GSDMC: variants seen among roughly 807,000 people sequenced by gnomAD.
The protein encoded by GSDMC is gasdermin C, also known as gasdermin-C.
In GSDMC, 59 loss-of-function variants were observed where a neutral mutation model predicts 58.0. That is an observed-to-expected ratio of 1.02 (90% confidence interval 0.82 to 1.26). GSDMC has a LOEUF of 1.26. GSDMC is among the 50% of genes most tolerant of loss of function. The pLI, the probability that GSDMC is intolerant of heterozygous loss-of-function variation, is 0.00. For missense variants in GSDMC, 659 were observed against 598.5 expected, an observed-to-expected ratio of 1.10 and a Z score of -1.06; for synonymous variants, 241 against 220.2, an observed-to-expected ratio of 1.09 and a Z score of -0.83.
At position 129,748,499 on chromosome 8, in the gene GSDMC, G is replaced by T; in HGVS notation, c.*2C>A. On this transcript the variant is annotated 3_prime_UTR_variant, in exon 14 of 14. Coordinates refer to ENST00000276708, the MANE Select transcript of GSDMC (RefSeq NM_031415.3). ...CTGGACTGACTGCCCATCAGGGAGGGCTTAGGCCTCAGCCAGCTGCTGCAG... is the reference window on the plus strand; with the variant it reads ...CTGGACTGACTGCCCATCAGGGAGGTCTTAGGCCTCAGCCAGCTGCTGCAG... 2 of 1,600,276 alleles carry T rather than the reference G, an allele frequency of 1.2e-6. No homozygotes were observed. The highest frequency in any genetic ancestry group is 1.7e-6 in the Non-Finnish European group (2 of 1,173,526).
At chr8:129,751,465 T>C in intron 10 of GSDMC, 77 bp downstream of exon 10, 1 of 1,272,848 alleles carries the variant, frequency 7.9e-7, no homozygotes, top group Non-Finnish European at 1.1e-6. Context: ...CTGACTTGCA[T>C]AGAAACCACC....
rs1451521911 is a variant in GSDMC, at chr8:129,750,109, T to A, written c.1094A>T (p.Asp365Val). 1 of 1,570,376 alleles carries A rather than the reference T, an allele frequency of 6.4e-7. No individual in the cohort carries two copies. The highest frequency in any genetic ancestry group is 1.4e-5 in the African/African-American group (1 of 72,342). The change falls in exon 12 of 14, where the codon GAC (aspartate) becomes GTC (valine). Residue 365 changes from aspartate (D) to valine (V), a missense_variant. Physicochemically the swap from Asp to Val is radical, Grantham distance 152. Transcript: ENST00000276708. Reference sequence around the variant, plus strand: ...AGGGCCATCCAAATGACCTGAGCTGTCCAATTCCAGCTATAGAAGACAGGT... The same window carrying A: ...AGGGCCATCCAAATGACCTGAGCTGACCAATTCCAGCTATAGAAGACAGGT... ...LQDLMNMLEL[D>V]SSGHLDGPGG...
chr8:129,746,083 G>T (rs2032956314), downstream of GSDMC, among the ~76,000 whole-genome samples: 1 of 152,144 alleles, frequency 6.6e-6, no homozygotes, highest in Non-Finnish European at 1.5e-5. Flanking sequence ...CGGGGTAGGG[G>T]AGAAGGTGGG....
the GSDMC span, among the ~76,000 whole-genome samples, chr8:129,734,293 G>A: frequency 6.6e-6 from 1 of 152,138 alleles, no homozygotes; most frequent in Non-Finnish European, 1.5e-5. Flanking sequence ...TAGCAAGGCA[G>A]GCCAACACTG....
the GSDMC span, among the ~76,000 whole-genome samples, chr8:129,742,336 C>T: frequency 6.6e-6 from 1 of 152,044 alleles, no homozygotes. Flanking sequence ...ATGGAATCAT[C>T]CCCTATTGTA....
At chr8:129,769,663 G>A (rs2033986690) in intron 3 of GSDMC, among the ~76,000 whole-genome samples, 1 of 152,118 alleles carries the variant, frequency 6.6e-6, no homozygotes, top group South Asian at 2.1e-4. Flanking sequence ...ATCCATTCAT[G>A]AGGGCAGAGC....
At chr8:129,766,816 T>C (rs1178142987) in intron 3 of GSDMC, among the ~76,000 whole-genome samples, 1 of 152,132 alleles carries the variant, frequency 6.6e-6, no homozygotes, top group Non-Finnish European at 1.5e-5. Context: ...CCAAAGTAGA[T>C]ATCCAGCTTC....
chr8:129,709,872 T>G, the GSDMC span, among the ~76,000 whole-genome samples: 2 of 152,224 alleles, frequency 1.3e-5, no homozygotes, highest in African/African-American at 2.4e-5. Flanking sequence ...CTTTCCCCAC[T>G]GGCGGCAGCG....
chr8:129,768,258 A>T (rs1181118624), intron 3 of GSDMC, among the ~76,000 whole-genome samples: 1 of 152,242 alleles, frequency 6.6e-6, no homozygotes, highest in African/African-American at 2.4e-5. Context: ...ACTGATATGA[A>T]CCTGTTAAGG....
the GSDMC span, among the ~76,000 whole-genome samples, chr8:129,719,687 G>A: frequency 6.6e-6 from 1 of 152,202 alleles, no homozygotes; most frequent in South Asian, 2.1e-4. Context: ...GCTCACACCT[G>A]TAATTCCAAA....
intron 1 of GSDMC, among the ~76,000 whole-genome samples, chr8:129,779,007 G>C (rs2034331912): frequency 6.6e-6 from 1 of 152,200 alleles, no homozygotes; most frequent in South Asian, 2.1e-4. Flanking sequence ...ATACACTGTT[G>C]ATGGGAATGT....
chr8:129,728,390 T>C, the GSDMC span, among the ~76,000 whole-genome samples: 1 of 152,116 alleles, frequency 6.6e-6, no homozygotes, highest in Non-Finnish European at 1.5e-5. Context: ...TTTCCTGGAT[T>C]AGAGTTCAGG....
intron 6 of GSDMC, among the ~76,000 whole-genome samples, chr8:129,757,730 C>T (rs1322702305): frequency 2.0e-5 from 3 of 152,128 alleles, no homozygotes; most frequent in Admixed American, 6.5e-5. Flanking sequence ...CATGATCACA[C>T]CTGCAATCCC....
intron 6 of GSDMC, among the ~76,000 whole-genome samples, chr8:129,754,141 C>T (rs986518430): frequency 4.6e-5 from 7 of 152,210 alleles, no homozygotes; most frequent in African/African-American, 1.4e-4. Flanking sequence ...AGCCCTAGGG[C>T]CTTCAGTGAA....
chr8:129,776,364 G>A, intron 2 of GSDMC, 79 bp from the exon 3 acceptor site: 3 of 1,145,190 alleles, frequency 2.6e-6, no homozygotes, highest in Non-Finnish European at 3.7e-6. Flanking sequence ...AACAGCTGGT[G>A]TGCAAAATGA....
the GSDMC span, among the ~76,000 whole-genome samples, chr8:129,725,603 G>A: frequency 2.0e-5 from 3 of 152,024 alleles, no homozygotes; most frequent in Non-Finnish European, 2.9e-5. Flanking sequence ...TTTGAGTCTC[G>A]CCACGACCAC....
the GSDMC span, among the ~76,000 whole-genome samples, chr8:129,717,886 G>C: frequency 6.6e-6 from 1 of 152,092 alleles, no homozygotes; most frequent in African/African-American, 2.4e-5. Context: ...GCAACAATCT[G>C]ATCATTGACA....
chr8:129,752,026 T>A (rs1429917655), intron 8 of GSDMC, 80 bp downstream of exon 8: 4 of 1,467,544 alleles, frequency 2.7e-6, no homozygotes, highest in Non-Finnish European at 3.8e-6. Flanking sequence ...CCCAAGACTT[T>A]GGGTAATAGC....
the GSDMC span, among the ~76,000 whole-genome samples, chr8:129,736,920 CT>C: frequency 3.9e-5 from 6 of 152,204 alleles, no homozygotes; most frequent in Non-Finnish European, 5.9e-5. Context: ...TCTCCTTAAG[CT>C]GATAAGCAAC....
Sources: gnomAD v4.1 joint callset for allele counts (sites outside exome capture counted in the v4.1 genomes callset) on GRCh38, gnomAD v4.1.1 for gene constraint, MANE v1.5 for transcripts, NCBI Gene and HGNC (gene_info 2026-07-23, HGNC 2026-07-21) for gene names.